Variants in STARD9 observed in about 807,000 individuals in gnomAD.
The protein encoded by STARD9 is stAR-related lipid transfer protein 9.
In STARD9, 346 loss-of-function variants were observed where a neutral mutation model predicts 399.8. That is an observed-to-expected ratio of 0.87 (90% confidence interval 0.79 to 0.95). The LOEUF is 0.95. Ranked by LOEUF, STARD9 falls within the 40% of genes least tolerant of loss-of-function variation. The pLI, the probability that STARD9 is intolerant of heterozygous loss-of-function variation, is 0.00. For synonymous variants in STARD9, 2,203 were observed against 2,143.5 expected, an observed-to-expected ratio of 1.03 and a Z score of -0.77; for missense variants, 5,832 against 5,667.5, an observed-to-expected ratio of 1.03 and a Z score of -0.93.
chr15:42,588,329 C>T (rs1037861319), intron 3 of STARD9, among the ~76,000 whole-genome samples: 2 of 151,888 alleles, frequency 1.3e-5, no homozygotes, highest in African/African-American at 2.4e-5. Flanking sequence ...CTAGTGAAAG[C>T]CCAAAAGGCC....
intron 3 of STARD9, among the ~76,000 whole-genome samples, chr15:42,603,789 G>A (rs2058676819): frequency 6.6e-6 from 1 of 152,164 alleles, no homozygotes; most frequent in African/African-American, 2.4e-5. Flanking sequence ...AGATGAGCCA[G>A]TTTTGTAAGG....
In STARD9 at chr15:42,719,621, T is replaced by G. The variant is rs1268058407; in HGVS notation, c.*47T>G. ...CTGCTGAGATGCAGGCCCAGGCTGC[T>G]CAAGAGAGACACTGTGGCAGCTCCT... On this transcript the variant is annotated 3_prime_UTR_variant, in exon 33 of 33. Coordinates refer to ENST00000290607, the MANE Select transcript of STARD9 (RefSeq NM_020759.3). 8.1e-7 allele frequency: 1 copy of G among 1,232,346 alleles called. No individual in the cohort carries two copies. The highest frequency in any genetic ancestry group is 1.1e-6 in the Non-Finnish European group (1 of 873,012). 76.3% of individuals were successfully genotyped at this position (1,232,346 alleles called of 1,614,324 possible). A position where few individuals can be genotyped will look rare whatever the true frequency, so the allele number is the denominator to read the frequency against.
At chr15:42,623,896 A>G (rs953964827) in intron 3 of STARD9, among the ~76,000 whole-genome samples, 4 of 152,236 alleles carry the variant, frequency 2.6e-5, no homozygotes, top group African/African-American at 4.8e-5. Flanking sequence ...TTTATCAGGG[A>G]TAGTATCTGG....
At chr15:42,677,796 G>A (rs2060341428) in intron 20 of STARD9, among the ~76,000 whole-genome samples, 1 of 152,136 alleles carries the variant, frequency 6.6e-6, no homozygotes, top group Non-Finnish European at 1.5e-5. Context: ...TATATGCACG[G>A]TGCAGACACA....
intron 13 of STARD9, among the ~76,000 whole-genome samples, chr15:42,664,789 AACACACACACACACAC>A (rs55773330): frequency 2.8e-5 from 4 of 144,726 alleles, no homozygotes; most frequent in Admixed American, 7.0e-5. Context: ...TTTATCCTTT[AACACACACACACACAC>A]ACACACACAC....
chr15:42,688,955 T>G lies in STARD9; in HGVS notation c.7377T>G (p.Ser2459Arg), dbSNP rs915545122. The change falls in exon 23 of 33, where the codon AGT becomes AGG. Residue 2459 changes from serine to arginine, a missense_variant. Physicochemically the swap from Ser to Arg is moderately radical, Grantham distance 110. Coordinates refer to ENST00000290607, the MANE Select transcript of STARD9 (RefSeq NM_020759.3). ...LRITLLGFST[S>R]EDFASEAEVA... ...TCACCTTGCTGGGTTTCAGTACCAG[T>G]GAAGATTTTGCTTCTGAAGCCGAGG... 8 of 1,537,312 alleles carry G rather than the reference T, an allele frequency of 5.2e-6. No individual in the cohort carries two copies. The highest frequency in any genetic ancestry group is 6.1e-6 in the Non-Finnish European group (7 of 1,146,928).
In STARD9 at chr15:42,686,025, G is replaced by A. The variant is rs542694772; in HGVS notation, c.4447G>A (p.Asp1483Asn). Residue 1483 changes from aspartate to asparagine, a missense_variant, in exon 23 of 33, where the codon GAT becomes AAT. Asp to Asn is a conservative substitution (Grantham distance 23). This residue lies in a region of STARD9 where 5,828 missense variants were observed against 5,651.1 expected (regional missense o/e 1.03). Coordinates refer to ENST00000290607, the MANE Select transcript of STARD9 (RefSeq NM_020759.3). ...TCATGTAGGCAGCACCCATGAAAGGGATTGGTCTGCCCTTCAGCAGAAGTA... is the reference window on the plus strand; with the variant it reads ...TCATGTAGGCAGCACCCATGAAAGGAATTGGTCTGCCCTTCAGCAGAAGTA... The part of the protein sequence containing the change: ...LTHVGSTHER[D>N]WSALQQKYLL... 2.0e-6 allele frequency: 3 copies of A among 1,537,344 alleles called. No homozygotes were observed. The Admixed American group carries it at 5.9e-5, about 30-fold the overall frequency.
At chr15:42,671,761 A>T (rs2060207664) in intron 16 of STARD9, 1 of 152,184 alleles carries the variant, frequency 6.6e-6, no homozygotes, top group Admixed American at 6.5e-5. Flanking sequence ...TGATCAGGCT[A>T]TTTGAAGAGA....
chr15:42,643,238 C>G (rs1201677232), intron 7 of STARD9, among the ~76,000 whole-genome samples: 1 of 152,000 alleles, frequency 6.6e-6, no homozygotes, highest in Non-Finnish European at 1.5e-5. Flanking sequence ...GCTTTGTCAC[C>G]CAGGCTGGAG....
intron 3 of STARD9, among the ~76,000 whole-genome samples, chr15:42,623,513 G>T (rs1320452804): frequency 1.1e-4 from 16 of 152,172 alleles, no homozygotes; most frequent in Non-Finnish European, 1.5e-4. Flanking sequence ...CTGGGTTCCT[G>T]TTAGGAACTC....
At chr15:42,684,093 G>A (rs1269905417) in intron 22 of STARD9, 23 bp from the exon 23 acceptor site, 2 of 1,509,102 alleles carry the variant, frequency 1.3e-6, no homozygotes, top group African/African-American at 1.4e-5. Context: ...CATCTTCTGA[G>A]ATAGCTTTCC....
chr15:42,695,647 T>C, intron 25 of STARD9, 96 bp from the exon 26 acceptor site: 1 of 1,380,700 alleles, frequency 7.2e-7, no homozygotes, highest in Non-Finnish European at 9.7e-7. Context: ...GCAGTAGAGG[T>C]GAGCAGGGAA....
chr15:42,685,051 G>A lies in STARD9; in HGVS notation c.3473G>A (p.Ser1158Asn). The change falls in exon 23 of 33, where the codon AGC becomes AAC. Residue 1158 changes from serine (S) to asparagine (N), a missense_variant. Ser to Asn is a conservative substitution (Grantham distance 46). This residue lies in a region of STARD9 where 5,828 missense variants were observed against 5,651.1 expected (regional missense o/e 1.03). Transcript: ENST00000290607. Reference sequence around the variant, plus strand: ...TCACTGGCTGAGAAGAGGTACCAAAGCCCCAAAAACAGGCTAGGGGGCAAT... The same window carrying A: ...TCACTGGCTGAGAAGAGGTACCAAAACCCCAAAAACAGGCTAGGGGGCAAT... ...EDSLAEKRYQSPKNRLGGNRP... is the reference protein window; with the variant it reads ...EDSLAEKRYQNPKNRLGGNRP... 2.0e-6 allele frequency: 3 copies of A among 1,537,182 alleles called. No individual in the cohort carries two copies. Among genetic ancestry groups the A allele is most frequent in the Non-Finnish European group, 2.6e-6 (3 of 1,146,932 alleles).
chr15:42,646,679 G>C (rs1375195000), intron 7 of STARD9, among the ~76,000 whole-genome samples: 2 of 152,182 alleles, frequency 1.3e-5, no homozygotes, highest in Non-Finnish European at 2.9e-5. Flanking sequence ...AGGCTGTTTT[G>C]TTTTCTTATC....
chr15:42,694,366 G>A (rs568687584), intron 23 of STARD9, 24 bp downstream of exon 23: 30 of 1,534,670 alleles, frequency 2.0e-5, no homozygotes, highest in Non-Finnish European at 2.4e-5. Flanking sequence ...GCCTGGAGTC[G>A]GGAGGGGAAG....
Position 42,686,339 on chromosome 15 carries a change from C to T in STARD9, c.4761C>T (p.Asp1587=), listed in dbSNP as rs764073114. 1.4e-4 allele frequency: 210 copies of T among 1,537,324 alleles called. No individual in the cohort carries two copies. Among genetic ancestry groups the T allele is most frequent in the East Asian group, 2.7e-4 (11 of 40,934 alleles). ...FSTSEKEASY[D]ETYSADLESL... is the part of the protein sequence containing the mutation. ...CTAGTGAGAAAGAGGCGAGTTATGA[C>T]GAAACTTATTCGGCAGACTTAGAAT... Residue 1587 remains aspartate (D), a synonymous_variant, in exon 23 of 33, where the codon GAC becomes GAT. Transcript: ENST00000290607.
chr15:42,693,020 A>G lies in STARD9; in HGVS notation c.11442A>G (p.Ile3814Met). The part of the protein sequence containing the change: ...STPYKPQSPS[I>M]PSSHLRFQKA... ...CCTACAAGCCCCAGAGCCCTTCAAT[A>G]CCCTCATCCCACTTGAGGTTTCAGA... The change falls in exon 23 of 33, where the codon ATA (isoleucine) becomes ATG (methionine). Residue 3814 changes from isoleucine to methionine, a missense_variant. Ile to Met is a conservative substitution (Grantham distance 10). Coordinates refer to ENST00000290607, the MANE Select transcript of STARD9 (RefSeq NM_020759.3). 6.5e-7 allele frequency: 1 copy of G among 1,537,032 alleles called. No individual in the cohort carries two copies. Among genetic ancestry groups the G allele is most frequent in the Non-Finnish European group, 8.7e-7 (1 of 1,146,872 alleles).
Position 42,690,170 on chromosome 15 carries a change from T to G in STARD9, c.8592T>G (p.Val2864=). Residue 2864 remains valine, a synonymous_variant, in exon 23 of 33, where the codon GTT becomes GTG. Transcript: ENST00000290607. ...TTCTGCCTGGAGCTCTGACAAGGGT[T>G]GCACTGGAAGCTCCCACACAGCAGT... is the stretch of plus-strand genomic sequence containing the variant. ...DTILPGALTR[V]ALEAPTQQCV... 6.5e-7 allele frequency: 1 copy of G among 1,537,814 alleles called. No homozygotes were observed.
intron 1 of STARD9, chr15:42,581,474 A>T (rs1814518): frequency 1.1e-5 from 17 of 1,517,360 alleles, no homozygotes; most frequent in Non-Finnish European, 1.5e-5. Flanking sequence ...GGCCGCTGCC[A>T]GCGGAGGAGG....
Sources: gnomAD v4.1 joint callset for allele counts (sites outside exome capture counted in the v4.1 genomes callset) on GRCh38, gnomAD v4.1.1 for gene constraint, gnomAD v4.1.1 regional missense constraint, MANE v1.5 for transcripts, NCBI Gene and HGNC (gene_info 2026-07-23, HGNC 2026-07-21) for gene names.